Variants in SLC9A4 observed in about 807,000 individuals in gnomAD.
The protein encoded by SLC9A4 is solute carrier family 9 member A4, also known as sodium/hydrogen exchanger 4.
SLC9A4 carries 63 observed loss-of-function variants against 67.4 expected under a neutral mutation model. The observed-to-expected ratio is 0.93, with a 90% CI of 0.76 to 1.15. The LOEUF (loss-of-function observed/expected upper bound fraction) is 1.15, where lower values mean the gene tolerates loss of function less well. Ranked by LOEUF, SLC9A4 falls within the 50% of genes most tolerant of loss-of-function variation. SLC9A4 has a pLI of 0.00. For missense variants in SLC9A4, 1,089 were observed against 987.7 expected (o/e 1.10, Z -1.38); for synonymous variants, 393 against 367.2 (o/e 1.07, Z -0.80).
chr2:102,519,605 A>G (rs994365702), intron 8 of SLC9A4, among the ~76,000 whole-genome samples: 18 of 152,236 alleles, frequency 1.2e-4, no homozygotes, highest in African/African-American at 3.6e-4. Flanking sequence ...TTACCACTTT[A>G]GACCTTTTTA....
intron 2 of SLC9A4, among the ~76,000 whole-genome samples, chr2:102,491,194 G>A (rs1684690338): frequency 6.6e-6 from 1 of 152,082 alleles, no homozygotes; most frequent in Non-Finnish European, 1.5e-5. Flanking sequence ...TATTGGATAA[G>A]CAGTACTAAT....
chr2:102,507,655 T>C (rs940715270), intron 4 of SLC9A4, among the ~76,000 whole-genome samples: 2 of 151,984 alleles, frequency 1.3e-5, no homozygotes, highest in South Asian at 2.1e-4. Flanking sequence ...ATTACAGACC[T>C]CCTTTGGATA....
At chr2:102,493,980 A>G (rs1232726332) in intron 2 of SLC9A4, among the ~76,000 whole-genome samples, 1 of 151,898 alleles carries the variant, frequency 6.6e-6, no homozygotes, top group Non-Finnish European at 1.5e-5. Flanking sequence ...AAAGTAATGT[A>G]GTCAAACAAG....
At chr2:102,519,760 G>T in intron 8 of SLC9A4, 99 bp from the exon 9 acceptor site, 1 of 1,013,354 alleles carries the variant, frequency 9.9e-7, no homozygotes, top group Non-Finnish European at 1.4e-6. Flanking sequence ...CTGGAACTTA[G>T]GATTCCCCTC....
At chr2:102,530,689 G>C (rs1296276347) in intron 11 of SLC9A4, among the ~76,000 whole-genome samples, 1 of 152,162 alleles carries the variant, frequency 6.6e-6, no homozygotes, top group Non-Finnish European at 1.5e-5. Flanking sequence ...TCCTTAGCTA[G>C]TGCTTCAAGC....
At chr2:102,481,753 G>A (rs1055764124) in intron 2 of SLC9A4, among the ~76,000 whole-genome samples, 7 of 151,886 alleles carry the variant, frequency 4.6e-5, no homozygotes, top group African/African-American at 9.7e-5. Flanking sequence ...TTTTTATATA[G>A]TGAAACCTGC....
intron 11 of SLC9A4, among the ~76,000 whole-genome samples, chr2:102,531,921 C>A (rs1674785900): frequency 2.6e-5 from 4 of 152,126 alleles, no homozygotes; most frequent in Admixed American, 2.6e-4. Context: ...GATTAAAAAG[C>A]AAACCAAGAT....
chr2:102,508,284 A>C lies in SLC9A4; in HGVS notation c.1401+3A>C, dbSNP rs201274367. On this transcript the variant is annotated splice_donor_region_variant and intron_variant, in intron 5 of 11. Transcript: ENST00000295269. ...TATACTTTACTGTATTTATTCAGGT[A>C]AGTAGATTTCCCTTATATTTAAATA... is the stretch of plus-strand genomic sequence containing the variant. The C allele has an allele frequency of 6.2e-7, 1 of 1,603,324 alleles. No individual in the cohort carries two copies. The highest frequency in any genetic ancestry group is 2.2e-5 in the East Asian group (1 of 44,804).
At chr2:102,521,384 C>T (rs1317105590) in intron 9 of SLC9A4, among the ~76,000 whole-genome samples, 1 of 152,200 alleles carries the variant, frequency 6.6e-6, no homozygotes, top group Middle Eastern at 3.2e-3. Context: ...ACAGCACCTC[C>T]CTTCCTCATT....
chr2:102,512,107 A>T, intron 6 of SLC9A4, 96 bp from the exon 7 acceptor site: 1 of 1,310,498 alleles, frequency 7.6e-7, no homozygotes, highest in Non-Finnish European at 1.1e-6. Flanking sequence ...CCAGAAAATT[A>T]AAGGCTCCTT....
Position 102,522,354 on chromosome 2 carries a change from G to T in SLC9A4, c.1818+2399G>T, listed in dbSNP as rs1685444094. Among the ~76,000 whole-genome samples, 3 of 152,086 alleles carry T rather than the reference G, an allele frequency of 2.0e-5. No homozygotes were observed. The South Asian group carries it at 6.2e-4, about 32-fold the overall frequency. On this transcript the variant is annotated intron_variant, in intron 9 of 11. Transcript: ENST00000295269. Reference sequence around the variant, plus strand: ...AAAGACAAAGTTCATTCTCCTTTAAGGCTCAAGGTCCAGTGGGAAATGCAA... The same window carrying T: ...AAAGACAAAGTTCATTCTCCTTTAATGCTCAAGGTCCAGTGGGAAATGCAA...
rs185735365 is a variant in SLC9A4, at chr2:102,510,932, C to A, written c.1489-1271C>A. Among the ~76,000 whole-genome samples, 25 of 152,256 alleles carry A rather than the reference C, an allele frequency of 1.6e-4. No individual in the cohort carries two copies. The East Asian group carries it at 4.6e-3, about 28-fold the overall frequency. On this transcript the variant is annotated intron_variant, in intron 6 of 11. Coordinates refer to ENST00000295269, the MANE Select transcript of SLC9A4 (RefSeq NM_001011552.4). Reference sequence around the variant, plus strand: ...AAGGAATAGAAATGAGAACTAATGTCTGAAGGGTTATAGGTGGAGACTTCA... The same window carrying A: ...AAGGAATAGAAATGAGAACTAATGTATGAAGGGTTATAGGTGGAGACTTCA...
At position 102,474,014 on chromosome 2, in the gene SLC9A4, A is replaced by G; in HGVS notation, c.255A>G (p.Ile85Met). Residue 85 changes from isoleucine to methionine, a missense_variant and splice_region_variant, in exon 1 of 12, where the codon ATA (isoleucine) becomes ATG (methionine). Transcript: ENST00000295269. ...TACTTCTAGCATCCCTTGCAAAAAT[A>G]GGTAAGTCCTTAAACACCTGGTTTG... is the stretch of plus-strand genomic sequence containing the variant. ...LWILLASLAK[I>M]GFHLYHRLPG... The G allele has an allele frequency of 6.2e-7, 1 of 1,612,782 alleles. No homozygotes were observed. The highest frequency in any genetic ancestry group is 8.5e-7 in the Non-Finnish European group (1 of 1,179,058).
At chr2:102,513,794 CCCGCGCCTCACTTATGCACACTTTTTG>C (rs1216319665) in intron 7 of SLC9A4, among the ~76,000 whole-genome samples, 42 of 152,328 alleles carry the variant, frequency 2.8e-4, no homozygotes, top group African/African-American at 9.6e-4. Context: ...CTGGGCCTCC[CCCGCGCCTCACTTATGCACACTTTTTG>C]CCCTGATTGC....
At position 102,503,532 on chromosome 2, in the gene SLC9A4, C is replaced by A; in HGVS notation, c.805C>A (p.Arg269=). 1.2e-6 allele frequency: 2 copies of A among 1,614,016 alleles called. No individual in the cohort carries two copies. Among genetic ancestry groups the A allele is most frequent in the Non-Finnish European group, 1.7e-6 (2 of 1,180,010 alleles). The change falls in exon 3 of 12, where the codon CGA becomes AGA. Residue 269 remains arginine (R), a synonymous_variant. Transcript: ENST00000295269. ...ETVDILAGCA[R]FIVVGLGGVL... The stretch of plus-strand genomic sequence containing the variant: ...TGTCGACATTTTGGCTGGATGTGCC[C>A]GATTCATCGTTGTGGGGCTTGGAGG...
chr2:102,481,193 T>C (rs1170238388), intron 2 of SLC9A4, among the ~76,000 whole-genome samples: 1 of 152,156 alleles, frequency 6.6e-6, no homozygotes, highest in Non-Finnish European at 1.5e-5. Context: ...CATTACATAA[T>C]ATCAAACCTT....
rs1373379482 is a variant in SLC9A4, at chr2:102,479,311, T to C, written c.720+9T>C. 6.3e-7 allele frequency: 1 copy of C among 1,596,768 alleles called. No individual in the cohort carries two copies. Among genetic ancestry groups the C allele is most frequent in the South Asian group, 1.1e-5 (1 of 90,470 alleles). Reference sequence around the variant, plus strand: ...ATGATGGCATTACTGTGGTGAGATGTCATGTGCCCGCCCGGCTTCCGGGGG... The same window carrying C: ...ATGATGGCATTACTGTGGTGAGATGCCATGTGCCCGCCCGGCTTCCGGGGG... On this transcript the variant is annotated intron_variant, in intron 2 of 11. Transcript: ENST00000295269.
Position 102,512,271 on chromosome 2 carries a change from C to T in SLC9A4, c.1557C>T (p.Asp519=). Residue 519 remains aspartate, a splice_region_variant and synonymous_variant, in exon 7 of 12, where the codon GAC becomes GAT. Transcript: ENST00000295269. ...CGHWSHYQVR[D]KFKKFDHRYL... is the part of the protein sequence containing the mutation. Reference sequence around the variant, plus strand: ...ACTGGAGTCACTACCAAGTGAGAGACAAGTAAGGAGGCTGAGGGTTTCACT... The same window carrying T: ...ACTGGAGTCACTACCAAGTGAGAGATAAGTAAGGAGGCTGAGGGTTTCACT... 1 of 1,613,878 alleles carries T rather than the reference C, an allele frequency of 6.2e-7. No homozygotes were observed. Among genetic ancestry groups the T allele is most frequent in the Middle Eastern group, 1.6e-4 (1 of 6,062 alleles).
chr2:102,488,430 C>T (rs1012162504), intron 2 of SLC9A4, among the ~76,000 whole-genome samples: 2 of 152,190 alleles, frequency 1.3e-5, no homozygotes, highest in Admixed American at 1.3e-4. Flanking sequence ...GCCATTGACC[C>T]TGACTCCAGG....
Sources: gnomAD v4.1 joint callset for allele counts (sites outside exome capture counted in the v4.1 genomes callset) on GRCh38, gnomAD v4.1.1 for gene constraint, MANE v1.5 for transcripts, NCBI Gene and HGNC (gene_info 2026-07-23, HGNC 2026-07-21) for gene names.